Variants in LETM2 observed in about 807,000 individuals in gnomAD.
LETM2 encodes the protein LETM1 domain-containing protein LETM2, mitochondrial.
LETM2 carries 58 observed loss-of-function variants against 59.6 expected under a neutral mutation model. The ratio of observed to expected loss-of-function variants is 0.97; its 90% confidence interval spans 0.79 to 1.21. The LOEUF is 1.21. Ranked by LOEUF, LETM2 falls within the 50% of genes most tolerant of loss-of-function variation. LETM2 has a pLI of 0.00. For synonymous variants in LETM2, 199 were observed against 214.1 expected, an observed-to-expected ratio of 0.93 and a Z score of 0.62; for missense variants, 572 against 575.7, an observed-to-expected ratio of 0.99 and a Z score of 0.07.
chr8:38,383,099 G>T (rs944606717), upstream of LETM2: 1 of 152,226 alleles, frequency 6.6e-6, no homozygotes, highest in Non-Finnish European at 1.5e-5. Flanking sequence ...CTCCGTGACC[G>T]TCACGTGCCG....
intron 4 of LETM2, among the ~76,000 whole-genome samples, chr8:38,395,634 G>C (rs374027909): frequency 7.2e-5 from 11 of 152,110 alleles, no homozygotes; most frequent in African/African-American, 2.4e-4. Flanking sequence ...TCCTGCCTCA[G>C]CCTCCCGAGT....
intron 5 of LETM2, 140 bp from the exon 6 acceptor site, chr8:38,400,713 T>C (rs1030614935): frequency 1.2e-6 from 1 of 809,698 alleles, no homozygotes; most frequent in Non-Finnish European, 2.0e-6. Flanking sequence ...ATGGATATCT[T>C]TTCTTTATAC....
chr8:38,392,502 A>C (rs775599441), intron 2 of LETM2, 40 bp from the exon 3 acceptor site: 5 of 1,151,482 alleles, frequency 4.3e-6, no homozygotes, highest in Non-Finnish European at 6.4e-6. Context: ...GCTTTGTAAT[A>C]GTATGTACTT....
At chr8:38,397,130 A>G in intron 4 of LETM2, 1 of 455,978 alleles carries the variant, frequency 2.2e-6, no homozygotes, top group South Asian at 1.5e-5. Context: ...TTGACAGCAT[A>G]TGGTAAGAAA....
In LETM2 at chr8:38,392,853, A is replaced by C. The variant is rs1332537259; in HGVS notation, c.359A>C (p.Gln120Pro). The change falls in exon 3 of 11, where the codon CAA becomes CCA. Residue 120 changes from glutamine to proline, a missense_variant. Gln to Pro is a moderately conservative substitution (Grantham distance 76). Coordinates refer to ENST00000379957, the MANE Select transcript of LETM2 (RefSeq NM_001286819.2). ...GGCATGGAGATTAAAGAAGGCAAACAATCTTATAGACAAAAAATCATGGAT... is the reference window on the plus strand; with the variant it reads ...GGCATGGAGATTAAAGAAGGCAAACCATCTTATAGACAAAAAATCATGGAT... ...ETGMEIKEGKQSYRQKIMDEL... is the reference protein window; with the variant it reads ...ETGMEIKEGKPSYRQKIMDEL... 6.2e-7 allele frequency: 1 copy of C among 1,614,182 alleles called. No individual in the cohort carries two copies. The highest frequency in any genetic ancestry group is 2.2e-5 in the East Asian group (1 of 44,892).
chr8:38,404,296 G>C (rs1813511586), intron 7 of LETM2, 97 bp from the exon 8 acceptor site: 2 of 816,058 alleles, frequency 2.5e-6, no homozygotes, highest in Admixed American at 3.9e-5. Context: ...AAGGGCGGGG[G>C]CGGTGGGAAG....
intron 5 of LETM2, 87 bp downstream of exon 5, chr8:38,400,496 C>T (rs1187529579): frequency 7.6e-7 from 1 of 1,312,900 alleles, no homozygotes; most frequent in Non-Finnish European, 1.0e-6. Context: ...CCAAATTGTT[C>T]ACCATCTTTG....
chr8:38,401,521 A>G, intron 6 of LETM2: 1 of 173,764 alleles, frequency 5.8e-6, no homozygotes, highest in Non-Finnish European at 1.3e-5. Context: ...TGACAACCTG[A>G]ACCTTGATTA....
chr8:38,383,914 AG>A (rs1811672706), upstream of LETM2, among the ~76,000 whole-genome samples: 1 of 148,746 alleles, frequency 6.7e-6, no homozygotes, highest in Non-Finnish European at 1.5e-5. Flanking sequence ...TGGGCGACAC[AG>A]AGAGGCTATG....
In LETM2 at chr8:38,404,515, C is replaced by T; in HGVS notation, c.1218+9C>T. ...TACCACTCAGTGGGGAGGTGAGTAC[C>T]TGGGTTAATGGGGACCCTCGACGTC... is the stretch of plus-strand genomic sequence containing the variant. On this transcript the variant is annotated intron_variant, in intron 8 of 10. Coordinates refer to ENST00000379957, the MANE Select transcript of LETM2 (RefSeq NM_001286819.2). The T allele has an allele frequency of 6.3e-7, 1 of 1,579,316 alleles. No individual in the cohort carries two copies. The highest frequency in any genetic ancestry group is 1.7e-5 in the Admixed American group (1 of 59,972).
intron 2 of LETM2, among the ~76,000 whole-genome samples, chr8:38,391,279 T>TTTTTA (rs1033985525): frequency 5.4e-5 from 8 of 148,694 alleles, no homozygotes; most frequent in Non-Finnish European, 1.2e-4. Flanking sequence ...ATCTGTCATA[T>TTTTTA]TTTTATTTTA....
chr8:38,383,955 C>T (rs936250725), upstream of LETM2, among the ~76,000 whole-genome samples: 1 of 151,314 alleles, frequency 6.6e-6, no homozygotes, highest in Non-Finnish European at 1.5e-5. Flanking sequence ...AATCTCATTA[C>T]TATTAATCAT....
chr8:38,399,949 A>AAGAGAGAGAGAGAG, intron 4 of LETM2, among the ~76,000 whole-genome samples: 1 of 148,068 alleles, frequency 6.8e-6, no homozygotes. Flanking sequence ...TGATCTCAAA[A>AAGAGAGAGAGAGAG]AGAGAGAGAG....
chr8:38,383,224 C>G (rs1004333852), upstream of LETM2: 17 of 152,388 alleles, frequency 1.1e-4, 1 homozygote, highest in Admixed American at 1.0e-3. Flanking sequence ...CTCCGTCATC[C>G]TCTAGCCCCC....
chr8:38,407,752 T>C (rs1196788921), intron 10 of LETM2, among the ~76,000 whole-genome samples: 1 of 152,200 alleles, frequency 6.6e-6, no homozygotes, highest in Non-Finnish European at 1.5e-5. Context: ...ATAGTTTCCA[T>C]GTGTTATTTT....
At chr8:38,399,671 G>A (rs1261917732) in intron 4 of LETM2, among the ~76,000 whole-genome samples, 4 of 151,608 alleles carry the variant, frequency 2.6e-5, no homozygotes, top group South Asian at 2.1e-4. Flanking sequence ...CCAGCTATTC[G>A]AGAGGCTGAG....
intron 7 of LETM2, among the ~76,000 whole-genome samples, chr8:38,402,882 A>G (rs1813357709): frequency 6.6e-6 from 1 of 152,216 alleles, no homozygotes. Context: ...CAACACTGGT[A>G]TATTAGCTCA....
chr8:38,396,320 C>T (rs1284247061), intron 4 of LETM2, among the ~76,000 whole-genome samples: 1 of 151,994 alleles, frequency 6.6e-6, no homozygotes, highest in Non-Finnish European at 1.5e-5. Context: ...TGTGCCACTA[C>T]ACCCAGCTAA....
rs966498079 is a variant in LETM2, at chr8:38,408,550, T to C, written c.*276T>C. 3.2e-6 allele frequency: 1 copy of C among 313,722 alleles called. No individual in the cohort carries two copies. Among genetic ancestry groups the C allele is most frequent in the South Asian group, 5.1e-5 (1 of 19,694 alleles). The allele number at this position is 313,722 out of a possible 1,614,324, so 19.4% of individuals were successfully genotyped here. A position where few individuals can be genotyped will look rare whatever the true frequency, so the allele number is the denominator to read the frequency against. The stretch of plus-strand genomic sequence containing the variant: ...ATAAAGCCCACCCCCCATCATGTTG[T>C]TTTTTTAGTTTCATGTGTACGTCCC... On this transcript the variant is annotated 3_prime_UTR_variant, in exon 11 of 11. Coordinates refer to ENST00000379957, the MANE Select transcript of LETM2 (RefSeq NM_001286819.2).
Sources: allele counts gnomAD v4.1 joint callset (sites outside exome capture counted in the v4.1 genomes callset), GRCh38; gene constraint gnomAD v4.1.1; transcripts MANE v1.5; gene names NCBI Gene and HGNC (gene_info 2026-07-23, HGNC 2026-07-21).